SLC24A3: variants seen among roughly 807,000 people sequenced by gnomAD.
The protein encoded by SLC24A3 is solute carrier family 24 member 3.
SLC24A3 carries 28 observed loss-of-function variants against 75.8 expected under a neutral mutation model. The observed-to-expected ratio is 0.37, with a 90% confidence interval of 0.27 to 0.51. The LOEUF is 0.51. SLC24A3 is among the 20% of genes least tolerant of loss of function. The pLI is 0.94. For synonymous variants in SLC24A3, 372 were observed against 334.1 expected (o/e 1.11, Z -1.24); for missense variants, 663 against 847.8 (o/e 0.78, Z 2.71).
At chr20:19,512,641 C>T (rs961318046) in intron 2 of SLC24A3, among the ~76,000 whole-genome samples, 2 of 152,356 alleles carry the variant, frequency 1.3e-5, no homozygotes, top group South Asian at 2.1e-4. Context: ...CTTGGTGGAA[C>T]AGATGTGCTC....
intron 3 of SLC24A3, among the ~76,000 whole-genome samples, chr20:19,567,964 T>C (rs1400341536): frequency 1.3e-5 from 2 of 152,040 alleles, no homozygotes; most frequent in Non-Finnish European, 2.9e-5. Context: ...GATTTCAAAA[T>C]GGGCGAAGGA....
chr20:19,466,629 G>C (rs1791982038), intron 2 of SLC24A3, among the ~76,000 whole-genome samples: 1 of 152,174 alleles, frequency 6.6e-6, no homozygotes, highest in South Asian at 2.1e-4. Context: ...GCTCTGATAA[G>C]TCGCCACAGG....
intron 1 of SLC24A3, chr20:19,213,420 T>C: frequency 6.5e-6 from 1 of 152,736 alleles, no homozygotes; most frequent in Non-Finnish European, 1.5e-5. Context: ...AACACACAGT[T>C]GTCCGTATGT....
At chr20:19,554,275 A>C (rs994300267) in intron 3 of SLC24A3, among the ~76,000 whole-genome samples, 1 of 152,262 alleles carries the variant, frequency 6.6e-6, no homozygotes, top group Non-Finnish European at 1.5e-5. Context: ...TCAGTTAAAT[A>C]AAATATTATT....
intron 6 of SLC24A3, among the ~76,000 whole-genome samples, chr20:19,606,082 G>A (rs1216939106): frequency 1.3e-5 from 2 of 152,224 alleles, no homozygotes; most frequent in African/African-American, 4.8e-5. Context: ...TGGCCAAACT[G>A]CCAGTTTCCC....
chr20:19,309,813 A>G (rs1413958747), intron 2 of SLC24A3, among the ~76,000 whole-genome samples: 1 of 142,528 alleles, frequency 7.0e-6, no homozygotes, highest in East Asian at 2.1e-4. Flanking sequence ...ACATAGAATC[A>G]TCATTTGGGG....
At chr20:19,577,214 G>A (rs1198202662) in intron 3 of SLC24A3, among the ~76,000 whole-genome samples, 5 of 151,800 alleles carry the variant, frequency 3.3e-5, no homozygotes, top group South Asian at 2.1e-4. Context: ...ACCACCACGC[G>A]CAGCTAATTT....
intron 6 of SLC24A3, among the ~76,000 whole-genome samples, chr20:19,643,221 G>C (rs926045073): frequency 6.6e-5 from 10 of 152,210 alleles, no homozygotes; most frequent in African/African-American, 1.9e-4. Context: ...TATGCAGAAG[G>C]GTTTTATTTG....
chr20:19,641,547 C>T (rs922278780), intron 6 of SLC24A3, among the ~76,000 whole-genome samples: 8 of 152,170 alleles, frequency 5.3e-5, no homozygotes, highest in African/African-American at 4.8e-5. Context: ...CTCATCCACA[C>T]GGATGGGGCT....
At chr20:19,463,615 T>C (rs1987716076) in intron 2 of SLC24A3, among the ~76,000 whole-genome samples, 1 of 152,038 alleles carries the variant, frequency 6.6e-6, no homozygotes, top group African/African-American at 2.4e-5. Context: ...GGAACTGTGG[T>C]GGGCTAGCCC....
At chr20:19,319,614 G>A (rs1397669776) in intron 2 of SLC24A3, among the ~76,000 whole-genome samples, 3 of 152,232 alleles carry the variant, frequency 2.0e-5, no homozygotes, top group African/African-American at 7.2e-5. Context: ...GCAGAGTGCT[G>A]TTTAAAATAC....
At chr20:19,234,968 C>T (rs1354945170) in intron 1 of SLC24A3, among the ~76,000 whole-genome samples, 1 of 152,176 alleles carries the variant, frequency 6.6e-6, no homozygotes, top group East Asian at 1.9e-4. Context: ...TGTGTAGAAG[C>T]TGTTGGCATT....
At chr20:19,354,302 G>T (rs1985632770) in intron 2 of SLC24A3, among the ~76,000 whole-genome samples, 1 of 151,970 alleles carries the variant, frequency 6.6e-6, no homozygotes, top group South Asian at 2.1e-4. Context: ...AGACACAAAA[G>T]AATACATGCT....
At chr20:19,234,646 G>T (rs998521769) in intron 1 of SLC24A3, among the ~76,000 whole-genome samples, 2 of 152,194 alleles carry the variant, frequency 1.3e-5, no homozygotes, top group African/African-American at 4.8e-5. Context: ...TGGTGGCTTT[G>T]CTGACTTCAG....
intron 2 of SLC24A3, among the ~76,000 whole-genome samples, chr20:19,398,685 C>T (rs1356983139): frequency 3.3e-5 from 5 of 152,100 alleles, no homozygotes; most frequent in Non-Finnish European, 7.4e-5. Flanking sequence ...TTTTTCTTGT[C>T]TTATTGCACT....
intron 1 of SLC24A3, among the ~76,000 whole-genome samples, chr20:19,280,217 T>C (rs1983617987): frequency 6.6e-6 from 1 of 152,156 alleles, no homozygotes; most frequent in Admixed American, 6.5e-5. Context: ...AACCCCACAG[T>C]CATTGCAGCC....
intron 1 of SLC24A3, among the ~76,000 whole-genome samples, chr20:19,223,187 G>A (rs1041308642): frequency 1.3e-5 from 2 of 152,154 alleles, no homozygotes; most frequent in African/African-American, 2.4e-5. Flanking sequence ...AGCTACTCAG[G>A]AGGCTGAAGC....
intron 2 of SLC24A3, among the ~76,000 whole-genome samples, chr20:19,350,125 G>A (rs976479349): frequency 2.0e-5 from 3 of 152,182 alleles, no homozygotes; most frequent in Non-Finnish European, 4.4e-5. Flanking sequence ...ATTACTGAGA[G>A]TTACCCACTC....
chr20:19,493,158 A>C (rs1011170372), intron 2 of SLC24A3, among the ~76,000 whole-genome samples: 9 of 152,182 alleles, frequency 5.9e-5, no homozygotes, highest in African/African-American at 1.9e-4. Flanking sequence ...GACCAGCTGG[A>C]TGGGGAAGCA....
Sources: gnomAD v4.1 joint callset for allele counts (sites outside exome capture counted in the v4.1 genomes callset) on GRCh38, gnomAD v4.1.1 for gene constraint, MANE v1.5 for transcripts, NCBI Gene and HGNC (gene_info 2026-07-23, HGNC 2026-07-21) for gene names.